The following CDH13 variants were observed in gnomAD, a reference collection of about 807,000 sequenced individuals.
The protein encoded by CDH13 is cadherin-13.
CDH13 carries 24 observed loss-of-function variants against 63.8 expected under a neutral mutation model. The observed-to-expected ratio is 0.38, with a 90% CI of 0.27 to 0.53. The LOEUF (loss-of-function observed/expected upper bound fraction) is 0.53. CDH13 is among the 20% of genes least tolerant of loss of function. The pLI is 0.85. For missense variants in CDH13, 1,049 were observed against 903.1 expected (o/e 1.16, Z -2.07); for synonymous variants, 503 against 355.3 (o/e 1.42, Z -4.67).
chr16:82,766,934 C>G (rs1223355972), intron 1 of CDH13, among the ~76,000 whole-genome samples: 4 of 152,120 alleles, frequency 2.6e-5, no homozygotes, highest in African/African-American at 9.7e-5. Flanking sequence ...GCAGTGAGCA[C>G]TCATGTACCC....
At chr16:82,874,875 A>T (rs965476555) in intron 2 of CDH13, among the ~76,000 whole-genome samples, 1 of 152,174 alleles carries the variant, frequency 6.6e-6, no homozygotes, top group African/African-American at 2.4e-5. Flanking sequence ...GAATAAGAAT[A>T]GGGAGGACTG....
chr16:83,345,053 A>G, intron 6 of CDH13, 47 bp downstream of exon 6: 1 of 1,596,286 alleles, frequency 6.3e-7, no homozygotes, highest in Non-Finnish European at 8.6e-7. Context: ...GGAAAGAGGC[A>G]CACTTTGATC....
intron 6 of CDH13, among the ~76,000 whole-genome samples, chr16:83,429,411 C>A (rs1272638004): frequency 6.6e-6 from 1 of 152,094 alleles, no homozygotes; most frequent in African/African-American, 2.4e-5. Context: ...AACCTTCAGT[C>A]TGGATTTTAT....
At position 82,884,142 on chromosome 16, in the gene CDH13, C is replaced by T. The variant is rs751092974; in HGVS notation, c.157+25669C>T. ...TTGATTGAATGCATGTCTGCATGCA[C>T]GCTGTTTCTTTCCTTATGCTGTTTC... On this transcript the variant is annotated intron_variant, in intron 2 of 13. Transcript: ENST00000567109. The T allele has an allele frequency of 1.0e-4, 47 of 450,880 alleles. 1 individual carries two copies. Among genetic ancestry groups the T allele is most frequent in the East Asian group, 4.9e-4 (7 of 14,380 alleles). 27.9% of individuals were successfully genotyped at this position (450,880 alleles called of 1,614,324 possible). A position where few individuals can be genotyped will look rare whatever the true frequency, so the allele number is the denominator to read the frequency against.
chr16:83,125,280 T>G (rs1479297880), intron 3 of CDH13, 105 bp from the exon 4 acceptor site: 10 of 672,602 alleles, frequency 1.5e-5, no homozygotes, highest in Non-Finnish European at 2.7e-5. Context: ...GTGAACACTT[T>G]CCAAACAGCT....
At chr16:83,536,249 G>A (rs930933512) in intron 7 of CDH13, among the ~76,000 whole-genome samples, 2 of 152,168 alleles carry the variant, frequency 1.3e-5, no homozygotes, top group Admixed American at 6.5e-5. Context: ...TGTAGTTGGG[G>A]GGACCAATAT....
Position 83,118,199 on chromosome 16 carries a change from C to T in CDH13, c.367-7186C>T, listed in dbSNP as rs552513541. On this transcript the variant is annotated intron_variant, in intron 3 of 13. Transcript: ENST00000567109. ...GTCACACATGGTCTGGTGTTGGTGG[C>T]GGCCCCAGAACCTCACTCTCCTCTG... is the stretch of plus-strand genomic sequence containing the variant. Among the ~76,000 whole-genome samples the T allele has an allele frequency of 2.6e-5, 4 of 152,258 alleles. No homozygotes were observed. The South Asian group carries it at 6.2e-4, about 24-fold the overall frequency.
chr16:83,738,520 G>A (rs969226789), intron 10 of CDH13, among the ~76,000 whole-genome samples: 4 of 152,188 alleles, frequency 2.6e-5, no homozygotes, highest in African/African-American at 9.7e-5. Context: ...AATGCGAGTG[G>A]AGTTGGAGCC....
At chr16:83,316,342 A>G (rs2090104617) in intron 5 of CDH13, among the ~76,000 whole-genome samples, 1 of 152,224 alleles carries the variant, frequency 6.6e-6, no homozygotes, top group African/African-American at 2.4e-5. Context: ...CGTAATTGAT[A>G]CACTGGCCTA....
intron 1 of CDH13, among the ~76,000 whole-genome samples, chr16:82,729,958 C>A (rs1416833224): frequency 6.6e-6 from 1 of 152,192 alleles, no homozygotes; most frequent in Non-Finnish European, 1.5e-5. Context: ...CCAAACTCTG[C>A]TAGCTTTCAA....
intron 1 of CDH13, among the ~76,000 whole-genome samples, chr16:82,724,605 G>A (rs201565405): frequency 1.3e-5 from 2 of 152,300 alleles, no homozygotes; most frequent in East Asian, 3.9e-4. Context: ...ACCTAGAGTA[G>A]CTGACTTGAA....
chr16:83,616,946 A>G (rs563590706), intron 8 of CDH13, among the ~76,000 whole-genome samples: 1 of 152,228 alleles, frequency 6.6e-6, no homozygotes, highest in African/African-American at 2.4e-5. Flanking sequence ...TTCTTCCCGG[A>G]ATGCCTTTTC....
At chr16:82,889,300 A>ATCTCTCTCTCTCTCTCTCTC (rs59500269) in intron 2 of CDH13, among the ~76,000 whole-genome samples, 20 of 149,888 alleles carry the variant, frequency 1.3e-4, no homozygotes, top group African/African-American at 3.4e-4. Flanking sequence ...TCTCTCTATT[A>ATCTCTCTCTCTCTCTCTCTC]TCTCTCTCTC....
At chr16:83,518,392 G>C (rs550732984) in intron 7 of CDH13, among the ~76,000 whole-genome samples, 1 of 151,668 alleles carries the variant, frequency 6.6e-6, no homozygotes. Context: ...TGATCCACCC[G>C]CCTCGGCCTC....
At chr16:83,598,386 A>G (rs1269357290) in intron 7 of CDH13, among the ~76,000 whole-genome samples, 1 of 152,196 alleles carries the variant, frequency 6.6e-6, no homozygotes, top group Non-Finnish European at 1.5e-5. Flanking sequence ...ATATTTTTAA[A>G]TAGATAATTA....
intron 7 of CDH13, among the ~76,000 whole-genome samples, chr16:83,580,376 G>T (rs113299537): frequency 4.0e-5 from 6 of 150,830 alleles, no homozygotes; most frequent in African/African-American, 1.5e-4. Context: ...TGATTAAATT[G>T]GTCCAGGAAG....
chr16:82,711,234 T>C (rs149787788), intron 1 of CDH13, among the ~76,000 whole-genome samples: 99 of 152,326 alleles, frequency 6.5e-4, no homozygotes, highest in African/African-American at 2.3e-3. Flanking sequence ...ACAGTGTTTA[T>C]GAAAGATTCT....
At chr16:83,041,865 C>T (rs1917358411) in intron 3 of CDH13, among the ~76,000 whole-genome samples, 2 of 152,198 alleles carry the variant, frequency 1.3e-5, no homozygotes, top group Admixed American at 1.3e-4. Flanking sequence ...AAACAAATGT[C>T]ATGCTTCATT....
intron 1 of CDH13, among the ~76,000 whole-genome samples, chr16:82,790,190 C>G (rs113367047): frequency 0.019 from 2,958 of 152,094 alleles, 89 homozygotes; most frequent in African/African-American, 0.068. Flanking sequence ...TAATCCCAGC[C>G]CTTTGGGAGG....
Sources: allele counts gnomAD v4.1 joint callset (sites outside exome capture counted in the v4.1 genomes callset), GRCh38; gene constraint gnomAD v4.1.1; transcripts MANE v1.5; gene names NCBI Gene and HGNC (gene_info 2026-07-23, HGNC 2026-07-21).